Variants in PRKCA observed in about 807,000 individuals in gnomAD.
The protein encoded by PRKCA is protein kinase C alpha type.
In PRKCA, 27 loss-of-function variants were observed where a neutral mutation model predicts 87.0. That is an observed-to-expected ratio of 0.31 (90% CI 0.23 to 0.43). The LOEUF is 0.43. Ranked by LOEUF, PRKCA falls within the 20% of genes least tolerant of loss-of-function variation. The probability of loss-of-function intolerance (pLI) is 1.00; values close to 1 mark genes in which losing one functional copy is unlikely to be tolerated. For missense variants in PRKCA, 518 were observed against 852.3 expected, an observed-to-expected ratio of 0.61 and a Z score of 4.88; for synonymous variants, 329 against 311.1, an observed-to-expected ratio of 1.06 and a Z score of -0.61.
At chr17:66,765,432 A>ATC (rs1568020958) in intron 13 of PRKCA, among the ~76,000 whole-genome samples, 10 of 131,186 alleles carry the variant, frequency 7.6e-5, no homozygotes, top group African/African-American at 2.6e-4. Context: ...ATATATATAT[A>ATC]TATATATATA....
chr17:66,303,136 G>A (rs1001694183), intron 1 of PRKCA, 112 bp downstream of exon 1: 3 of 1,406,224 alleles, frequency 2.1e-6, no homozygotes, highest in Admixed American at 2.4e-5. Flanking sequence ...ACTTGGAACC[G>A]GCGGGAGTCC....
At chr17:66,606,032 A>C (rs1180324271) in intron 3 of PRKCA, among the ~76,000 whole-genome samples, 5 of 152,108 alleles carry the variant, frequency 3.3e-5, no homozygotes, top group Admixed American at 2.6e-4. Flanking sequence ...AAACCATCGA[A>C]CTGTATACTT....
chr17:66,460,031 A>G (rs776645547), intron 2 of PRKCA, among the ~76,000 whole-genome samples: 5 of 152,260 alleles, frequency 3.3e-5, no homozygotes, highest in Admixed American at 6.5e-5. Context: ...TGCAAAGTTG[A>G]TTTCTTTTGC....
intron 16 of PRKCA, among the ~76,000 whole-genome samples, chr17:66,799,684 G>C (rs1485604079): frequency 2.0e-5 from 3 of 150,380 alleles, no homozygotes; most frequent in Non-Finnish European, 3.0e-5. Context: ...TGGTGGTAAT[G>C]GTGGTGGTGG....
chr17:66,768,954 G>T (rs571141286), intron 13 of PRKCA, among the ~76,000 whole-genome samples: 20 of 152,296 alleles, frequency 1.3e-4, no homozygotes, highest in African/African-American at 4.8e-4. Context: ...TACTAAGCAT[G>T]TGCTAAGTGG....
intron 2 of PRKCA, among the ~76,000 whole-genome samples, chr17:66,396,216 T>G (rs1392739576): frequency 6.6e-6 from 1 of 152,220 alleles, no homozygotes; most frequent in Non-Finnish European, 1.5e-5. Flanking sequence ...CAGGTTCAGC[T>G]GCAAATGCAG....
At chr17:66,315,747 T>C (rs1276523354) in intron 2 of PRKCA, among the ~76,000 whole-genome samples, 1 of 152,190 alleles carries the variant, frequency 6.6e-6, no homozygotes, top group African/African-American at 2.4e-5. Flanking sequence ...CCCAAAGTGC[T>C]GGGATTACAG....
At chr17:66,726,577 G>A (rs1489194638) in intron 8 of PRKCA, among the ~76,000 whole-genome samples, 5 of 152,132 alleles carry the variant, frequency 3.3e-5, no homozygotes, top group African/African-American at 7.2e-5. Context: ...GGGAGCTTGC[G>A]GCAGGCTGGC....
intron 8 of PRKCA, among the ~76,000 whole-genome samples, chr17:66,713,298 C>T (rs916224360): frequency 2.0e-5 from 3 of 152,084 alleles, no homozygotes; most frequent in African/African-American, 4.8e-5. Flanking sequence ...GATCTGCCTG[C>T]CTCGGCCTCC....
intron 13 of PRKCA, among the ~76,000 whole-genome samples, chr17:66,750,731 G>T (rs1323672300): frequency 2.0e-5 from 3 of 152,210 alleles, no homozygotes; most frequent in Non-Finnish European, 4.4e-5. Context: ...TCCCAGACCA[G>T]GGCTGAGCAC....
intron 2 of PRKCA, among the ~76,000 whole-genome samples, chr17:66,349,438 G>T (rs1401310141): frequency 6.6e-6 from 1 of 152,058 alleles, no homozygotes. Context: ...CAGGCCTGCT[G>T]TGTAGACCTG....
At chr17:66,594,888 AT>A (rs1969926105) in intron 3 of PRKCA, among the ~76,000 whole-genome samples, 2 of 152,282 alleles carry the variant, frequency 1.3e-5, no homozygotes, top group Non-Finnish European at 2.9e-5. Context: ...GAATTAATTA[AT>A]GTCTGTGTTA....
intron 2 of PRKCA, among the ~76,000 whole-genome samples, chr17:66,376,618 C>CAA (rs1165158792): frequency 7.2e-6 from 1 of 138,824 alleles, no homozygotes; most frequent in Non-Finnish European, 1.6e-5. Flanking sequence ...GACTCTGTCT[C>CAA]AAAAAAAAAA....
At chr17:66,550,914 A>T (rs966866499) in intron 3 of PRKCA, among the ~76,000 whole-genome samples, 1 of 152,220 alleles carries the variant, frequency 6.6e-6, no homozygotes, top group Non-Finnish European at 1.5e-5. Context: ...GTTACCAAGC[A>T]TAGCTCTTAT....
intron 3 of PRKCA, among the ~76,000 whole-genome samples, chr17:66,523,011 T>C (rs977358416): frequency 3.3e-5 from 5 of 152,168 alleles, no homozygotes; most frequent in Admixed American, 6.5e-5. Flanking sequence ...TTTCCAACAG[T>C]ATCCAGAGAT....
intron 3 of PRKCA, among the ~76,000 whole-genome samples, chr17:66,606,402 T>C (rs773465739): frequency 3.3e-5 from 5 of 151,888 alleles, no homozygotes; most frequent in Non-Finnish European, 5.9e-5. Context: ...AAAAAAATAA[T>C]AAAATGAAGT....
intron 8 of PRKCA, among the ~76,000 whole-genome samples, chr17:66,706,521 T>C (rs1161044784): frequency 6.7e-6 from 1 of 150,302 alleles, no homozygotes; most frequent in East Asian, 2.0e-4. Context: ...CAGGCACCTG[T>C]AGTCCCAGCT....
At chr17:66,738,917 C>CTT (rs5821506) in intron 11 of PRKCA, 62 bp downstream of exon 11, 30 of 1,224,410 alleles carry the variant, frequency 2.5e-5, no homozygotes, top group Admixed American at 7.7e-5. Context: ...TGGAAACTTC[C>CTT]TTTTTTCCCC....
rs180711157 is a variant in PRKCA, at chr17:66,459,189, C to G, written c.206-37012C>G. On this transcript the variant is annotated intron_variant, in intron 2 of 16. Transcript: ENST00000413366. ...GGAGTTCAAGTCCAGCCTGGGCCATCTGGCAAATCCCTGTCTCAAAAAAAA... is the reference window on the plus strand; with the variant it reads ...GGAGTTCAAGTCCAGCCTGGGCCATGTGGCAAATCCCTGTCTCAAAAAAAA... Among the ~76,000 whole-genome samples the G allele has an allele frequency of 1.5e-3, 219 of 148,118 alleles. 1 individual carries two copies. Among genetic ancestry groups the G allele is most frequent in the African/African-American group, 5.1e-3 (205 of 40,162 alleles).
Sources: allele counts gnomAD v4.1 joint callset (sites outside exome capture counted in the v4.1 genomes callset), GRCh38; gene constraint gnomAD v4.1.1; transcripts MANE v1.5; gene names NCBI Gene and HGNC (gene_info 2026-07-23, HGNC 2026-07-21).